Variants in ARB2A observed in about 807,000 individuals in gnomAD.
ARB2A encodes cotranscriptional regulator ARB2A.
chr5:93,687,315 C>G, the ARB2A span, among the ~76,000 whole-genome samples: 1 of 152,158 alleles, frequency 6.6e-6, no homozygotes, highest in Non-Finnish European at 1.5e-5. Flanking sequence ...TTTTGCAGAA[C>G]AATTTGGCTA....
the ARB2A span, among the ~76,000 whole-genome samples, chr5:93,749,769 A>G: frequency 1.3e-5 from 2 of 152,170 alleles, no homozygotes; most frequent in African/African-American, 4.8e-5. Flanking sequence ...TAATATCTAG[A>G]GTAAAAAGTC....
chr5:93,902,435 TA>T, the ARB2A span, among the ~76,000 whole-genome samples: 1 of 152,086 alleles, frequency 6.6e-6, no homozygotes, highest in Non-Finnish European at 1.5e-5. Context: ...TTCTACTCTA[TA>T]AAGGGTAAAT....
At chr5:93,911,628 C>CCACCCACACACA in the ARB2A span, among the ~76,000 whole-genome samples, 6 of 148,672 alleles carry the variant, frequency 4.0e-5, no homozygotes, top group Non-Finnish European at 9.0e-5. Context: ...GCATTAGTCA[C>CCACCCACACACA]CACACACACA....
the ARB2A span, among the ~76,000 whole-genome samples, chr5:93,883,026 A>G: frequency 6.6e-6 from 1 of 151,580 alleles, no homozygotes; most frequent in Non-Finnish European, 1.5e-5. Flanking sequence ...AGACTCAATT[A>G]TCTTATTTTA....
the ARB2A span, among the ~76,000 whole-genome samples, chr5:93,770,107 A>T: frequency 2.0e-5 from 3 of 152,176 alleles, no homozygotes; most frequent in Non-Finnish European, 2.9e-5. Context: ...TTAGAAATAG[A>T]TGCTCTTAAA....
At chr5:93,767,027 C>CG in the ARB2A span, among the ~76,000 whole-genome samples, 36 of 89,824 alleles carry the variant, frequency 4.0e-4, no homozygotes, top group African/African-American at 1.6e-3. Flanking sequence ...CATCACACAC[C>CG]GGGGCCTGTT....
chr5:93,888,841 C>T, the ARB2A span, among the ~76,000 whole-genome samples: 1 of 151,576 alleles, frequency 6.6e-6, no homozygotes, highest in Non-Finnish European at 1.5e-5. Context: ...GTGCTAGAGT[C>T]CACCTGCAAG....
the ARB2A span, among the ~76,000 whole-genome samples, chr5:94,057,788 T>C: frequency 1.3e-5 from 2 of 152,118 alleles, no homozygotes; most frequent in Non-Finnish European, 2.9e-5. Context: ...CATAAACCCC[T>C]TGATGCCCTA....
chr5:94,092,145 G>A, the ARB2A span, among the ~76,000 whole-genome samples: 3 of 150,726 alleles, frequency 2.0e-5, no homozygotes, highest in Admixed American at 1.3e-4. Flanking sequence ...TGACCAGCCT[G>A]GCCAACAAAA....
At chr5:93,647,638 C>A in the ARB2A span, among the ~76,000 whole-genome samples, 1 of 152,070 alleles carries the variant, frequency 6.6e-6, no homozygotes, top group Admixed American at 6.6e-5. Flanking sequence ...ATTTTCCTGC[C>A]TTAGCTTCCC....
chr5:93,744,376 A>C, the ARB2A span, among the ~76,000 whole-genome samples: 3 of 133,316 alleles, frequency 2.3e-5, no homozygotes, highest in South Asian at 5.3e-4. Context: ...CGGAGGTTGC[A>C]GTGTGCCGAG....
chr5:93,786,418 C>T, the ARB2A span, among the ~76,000 whole-genome samples: 1 of 152,184 alleles, frequency 6.6e-6, no homozygotes. Flanking sequence ...CATCACATCA[C>T]ACTGTCACAT....
At chr5:93,734,230 C>T in the ARB2A span, 2 of 152,110 alleles carry the variant, frequency 1.3e-5, no homozygotes, top group Non-Finnish European at 2.9e-5. Flanking sequence ...ATAATCAATA[C>T]ATTATTTAGT....
chr5:94,079,203 A>G, the ARB2A span, among the ~76,000 whole-genome samples: 4 of 152,216 alleles, frequency 2.6e-5, no homozygotes, highest in African/African-American at 9.6e-5. Context: ...ATTTCATTAT[A>G]TTTACATTCC....
At chr5:93,670,274 T>C in the ARB2A span, among the ~76,000 whole-genome samples, 3 of 152,296 alleles carry the variant, frequency 2.0e-5, no homozygotes, top group East Asian at 5.8e-4. Flanking sequence ...ATGATCACTA[T>C]CCAACTCAAG....
At chr5:93,876,252 T>G in the ARB2A span, among the ~76,000 whole-genome samples, 2 of 152,102 alleles carry the variant, frequency 1.3e-5, no homozygotes, top group African/African-American at 4.8e-5. Context: ...CATTTTCTGT[T>G]TTCACTCTTG....
At chr5:93,625,895 C>T in the ARB2A span, among the ~76,000 whole-genome samples, 2 of 152,170 alleles carry the variant, frequency 1.3e-5, no homozygotes, top group African/African-American at 2.4e-5. Flanking sequence ...AACATTACTG[C>T]ATCTTCTGTC....
chr5:94,028,514 A>C, the ARB2A span, among the ~76,000 whole-genome samples: 1 of 152,182 alleles, frequency 6.6e-6, no homozygotes, highest in African/African-American at 2.4e-5. Flanking sequence ...ACCAAAATAA[A>C]ACAGAATTAC....
At chr5:93,698,077 G>A in the ARB2A span, among the ~76,000 whole-genome samples, 1 of 152,134 alleles carries the variant, frequency 6.6e-6, no homozygotes. Flanking sequence ...TTTGGAGGCT[G>A]GGTTAAAGGG....
Sources: gnomAD v4.1 joint callset for allele counts (sites outside exome capture counted in the v4.1 genomes callset) on GRCh38, gnomAD v4.1.1 for gene constraint, MANE v1.5 for transcripts, NCBI Gene and HGNC (gene_info 2026-07-23, HGNC 2026-07-21) for gene names.